Variants in TAFA2 observed in about 807,000 individuals in gnomAD.
TAFA2 encodes chemokine-like protein TAFA-2.
TAFA2 carries 7 observed loss-of-function variants against 18.8 expected under a neutral mutation model. That is an observed-to-expected ratio of 0.37 (90% CI 0.21 to 0.70). TAFA2 has a LOEUF of 0.70. TAFA2 is among the 30% of genes least tolerant of loss of function. TAFA2 has a pLI of 0.53. For missense variants in TAFA2, 122 were observed against 158.1 expected, an observed-to-expected ratio of 0.77 and a Z score of 1.23; for synonymous variants, 60 against 54.2, an observed-to-expected ratio of 1.11 and a Z score of -0.47.
chr12:61,756,517 A>G (rs893270458), intron 2 of TAFA2, among the ~76,000 whole-genome samples: 1 of 152,064 alleles, frequency 6.6e-6, no homozygotes, highest in Non-Finnish European at 1.5e-5. Context: ...GTCACATTTT[A>G]AGCGAGTGAA....
chr12:61,992,736 C>G (rs1236070377), intron 1 of TAFA2, among the ~76,000 whole-genome samples: 1 of 152,174 alleles, frequency 6.6e-6, no homozygotes, highest in Admixed American at 6.5e-5. Context: ...CCAACTATAC[C>G]ACTCTTCCTT....
Position 62,103,428 on chromosome 12 carries a change from C to T in TAFA2, c.-2+87831G>A, listed in dbSNP as rs1451308315. On this transcript the variant is annotated intron_variant, in intron 1 of 4. Transcript: ENST00000416284. The stretch of plus-strand genomic sequence containing the variant: ...TCTTCAAACAGCAACTAGAGTTGTG[C>T]AGAATGGCTTATTAAAGACTACATG... Among the ~76,000 whole-genome samples the T allele has an allele frequency of 3.9e-5, 6 of 152,096 alleles. No individual in the cohort carries two copies. The East Asian group carries it at 1.2e-3, about 29-fold the overall frequency.
At chr12:62,113,124 T>A (rs146258408) in intron 1 of TAFA2, among the ~76,000 whole-genome samples, 108 of 152,316 alleles carry the variant, frequency 7.1e-4, no homozygotes, top group African/African-American at 2.5e-3. Context: ...TGAATTTATA[T>A]ACCTTTGTTC....
chr12:62,114,481 A>G (rs956656914), intron 1 of TAFA2, among the ~76,000 whole-genome samples: 6 of 152,222 alleles, frequency 3.9e-5, no homozygotes, highest in Admixed American at 6.5e-5. Flanking sequence ...TCATATATCA[A>G]TGATTTATAA....
chr12:61,892,032 A>T (rs963224842), intron 1 of TAFA2, among the ~76,000 whole-genome samples: 16 of 151,374 alleles, frequency 1.1e-4, no homozygotes, highest in Non-Finnish European at 2.1e-4. Context: ...GGGAACATCT[A>T]GGATGCTCGG....
intron 1 of TAFA2, among the ~76,000 whole-genome samples, chr12:62,000,711 A>G (rs1038770273): frequency 8.7e-6 from 1 of 114,346 alleles, no homozygotes; most frequent in African/African-American, 2.8e-5. Flanking sequence ...GGTATAATAA[A>G]TACATTGTGG....
intron 1 of TAFA2, among the ~76,000 whole-genome samples, chr12:62,234,201 T>C (rs2136985754): frequency 6.6e-6 from 1 of 152,298 alleles, no homozygotes. Flanking sequence ...TGAGAAGTCT[T>C]TCTTCCCTGA....
At chr12:62,038,045 A>G (rs1881656366) in intron 1 of TAFA2, among the ~76,000 whole-genome samples, 1 of 152,198 alleles carries the variant, frequency 6.6e-6, no homozygotes, top group African/African-American at 2.4e-5. Flanking sequence ...GAAATCTAAA[A>G]ATAAAAATCA....
intron 2 of TAFA2, among the ~76,000 whole-genome samples, chr12:61,816,092 G>A (rs1313638456): frequency 1.3e-5 from 2 of 151,196 alleles, no homozygotes; most frequent in Non-Finnish European, 2.9e-5. Flanking sequence ...CATGTCATGG[G>A]GGTTTGTTGT....
intron 1 of TAFA2, among the ~76,000 whole-genome samples, chr12:62,147,326 GTATATATATA>G (rs1219861920): frequency 4.1e-4 from 8 of 19,552 alleles, no homozygotes; most frequent in African/African-American, 1.0e-3. Context: ...GTGTATGTAT[GTATATATATA>G]TATATATATA....
chr12:61,785,361 TTG>T (rs746701044), intron 2 of TAFA2, among the ~76,000 whole-genome samples: 2 of 83,266 alleles, frequency 2.4e-5, no homozygotes, highest in Non-Finnish European at 5.2e-5. Context: ...GTGTGTGTGT[TTG>T]TGTGTGTGTG....
At chr12:62,035,090 C>T (rs887555868) in intron 1 of TAFA2, among the ~76,000 whole-genome samples, 2 of 152,122 alleles carry the variant, frequency 1.3e-5, no homozygotes, top group East Asian at 3.9e-4. Flanking sequence ...AAATAAATGC[C>T]TTATCAATTT....
At chr12:61,947,585 AC>A (rs1307708443) in intron 1 of TAFA2, among the ~76,000 whole-genome samples, 1 of 151,184 alleles carries the variant, frequency 6.6e-6, no homozygotes, top group African/African-American at 2.4e-5. Context: ...TAGCATATAC[AC>A]TCTTCATTCG....
intron 2 of TAFA2, among the ~76,000 whole-genome samples, chr12:61,866,772 T>C (rs1041235656): frequency 1.1e-4 from 16 of 152,136 alleles, no homozygotes; most frequent in Non-Finnish European, 1.5e-4. Context: ...ACAAAAAACA[T>C]TGAAAGAAAA....
At chr12:62,226,072 T>A (rs2062785075) in intron 1 of TAFA2, among the ~76,000 whole-genome samples, 1 of 152,228 alleles carries the variant, frequency 6.6e-6, no homozygotes, top group Admixed American at 6.5e-5. Flanking sequence ...GTTTTGTTTG[T>A]TGGCTCTTTC....
At chr12:61,862,423 T>C (rs374977794) in intron 2 of TAFA2, among the ~76,000 whole-genome samples, 1 of 152,232 alleles carries the variant, frequency 6.6e-6, no homozygotes, top group Non-Finnish European at 1.5e-5. Context: ...ATTAAGAAGA[T>C]GACAACAATT....
intron 1 of TAFA2, among the ~76,000 whole-genome samples, chr12:62,062,739 C>G (rs1237105454): frequency 6.6e-6 from 1 of 152,156 alleles, no homozygotes; most frequent in Non-Finnish European, 1.5e-5. Flanking sequence ...TCTGGAGGCT[C>G]TAGAGGTGAA....
In TAFA2 at chr12:62,073,503, CTA is replaced by C. The variant is rs542755065; in HGVS notation, c.-2+117754_-2+117755del. ...TTATAGGTAGGTGTTATTATCTTAT[CTA>C]TATATTATAGATAAGAAAACACCTT... On this transcript the variant is annotated intron_variant, in intron 1 of 4. Transcript: ENST00000416284. Among the ~76,000 whole-genome samples the C allele has an allele frequency of 2.4e-3, 366 of 149,566 alleles. 2 individuals carry two copies. Among genetic ancestry groups the C allele is most frequent in the African/African-American group, 8.9e-3 (360 of 40,502 alleles).
intron 1 of TAFA2, among the ~76,000 whole-genome samples, chr12:62,177,613 T>C (rs2062522401): frequency 6.6e-6 from 1 of 152,156 alleles, no homozygotes; most frequent in Admixed American, 6.5e-5. Flanking sequence ...TTACCATTAC[T>C]CACATTTCCT....
Sources: gnomAD v4.1 joint callset for allele counts (sites outside exome capture counted in the v4.1 genomes callset) on GRCh38, gnomAD v4.1.1 for gene constraint, MANE v1.5 for transcripts, NCBI Gene and HGNC (gene_info 2026-07-23, HGNC 2026-07-21) for gene names.